The following TNIP3 variants were observed in gnomAD, a reference collection of about 807,000 sequenced individuals.
TNIP3 encodes TNFAIP3-interacting protein 3.
TNIP3 carries 34 observed loss-of-function variants against 54.1 expected under a neutral mutation model. The observed-to-expected ratio is 0.63, with a 90% CI of 0.48 to 0.84. The LOEUF (loss-of-function observed/expected upper bound fraction) is 0.84. Ranked by LOEUF, TNIP3 falls within the 40% of genes least tolerant of loss-of-function variation. TNIP3 has a pLI of 0.00. For synonymous variants in TNIP3, 134 were observed against 136.8 expected (o/e 0.98, Z 0.14); for missense variants, 366 against 387.6 (o/e 0.94, Z 0.47).
chr4:121,211,871 C>T (rs1482154375), intron 2 of TNIP3, among the ~76,000 whole-genome samples: 2 of 152,182 alleles, frequency 1.3e-5, no homozygotes, highest in Admixed American at 6.5e-5. Context: ...CTGTGGCCTG[C>T]CTGGGGCCTC....
At chr4:121,189,820 T>C (rs921551) in intron 2 of TNIP3, among the ~76,000 whole-genome samples, 7,840 of 152,288 alleles carry the variant, frequency 0.051, 254 homozygotes, top group Non-Finnish European at 0.074. Context: ...CTTATAAACC[T>C]GGGCTCTGTT....
intron 2 of TNIP3, among the ~76,000 whole-genome samples, chr4:121,198,355 T>C (rs1340549151): frequency 6.6e-6 from 1 of 152,226 alleles, no homozygotes; most frequent in Non-Finnish European, 1.5e-5. Context: ...ATTTGATATA[T>C]ATAGCATAAA....
At chr4:121,190,737 T>C (rs1725262922) in intron 2 of TNIP3, among the ~76,000 whole-genome samples, 1 of 152,172 alleles carries the variant, frequency 6.6e-6, no homozygotes, top group Non-Finnish European at 1.5e-5. Context: ...TAAATATGAA[T>C]AAGGGTAGAA....
chr4:121,208,386 A>G (rs6534256), intron 2 of TNIP3, among the ~76,000 whole-genome samples: 6,573 of 152,240 alleles, frequency 0.043, 471 homozygotes, highest in African/African-American at 0.15. Context: ...CACCCAGATC[A>G]ATAAACTGAT....
chr4:121,172,869 A>G (rs969741373), intron 3 of TNIP3, among the ~76,000 whole-genome samples: 9 of 152,232 alleles, frequency 5.9e-5, no homozygotes, highest in Admixed American at 5.2e-4. Flanking sequence ...TAGAGGTCCT[A>G]GAATGGAACT....
At chr4:121,135,390 C>A (rs1560631792) in intron 10 of TNIP3, among the ~76,000 whole-genome samples, 1 of 151,216 alleles carries the variant, frequency 6.6e-6, no homozygotes, top group Non-Finnish European at 1.5e-5. Context: ...ACTTCTTCTT[C>A]TTTTTTTTTA....
intron 2 of TNIP3, among the ~76,000 whole-genome samples, chr4:121,202,735 A>C (rs969245067): frequency 1.8e-4 from 27 of 152,184 alleles, no homozygotes; most frequent in Non-Finnish European, 5.9e-5. Context: ...TCAGCAAGAA[A>C]AAACAGATAA....
In TNIP3 at chr4:121,132,351, G is replaced by T. The variant is rs75063796; in HGVS notation, c.*280C>A. ...GCATCCAACAGCAATATGCTGAAGAGATTTTCAGGGAGTCGTGCATCATCC... is the reference window on the plus strand; with the variant it reads ...GCATCCAACAGCAATATGCTGAAGATATTTTCAGGGAGTCGTGCATCATCC... On this transcript the variant is annotated 3_prime_UTR_variant, in exon 11 of 11. Coordinates refer to ENST00000057513, the MANE Select transcript of TNIP3 (RefSeq NM_024873.6). 9,332 of 410,504 alleles carry T rather than the reference G, an allele frequency of 0.023. 178 individuals are homozygous for T. The highest frequency in any genetic ancestry group is 0.065 in the South Asian group (1,412 of 21,684). The allele number at this position is 410,504 out of a possible 1,614,324, so 25.4% of individuals were successfully genotyped here. A position where few individuals can be genotyped will look rare whatever the true frequency, so the allele number is the denominator to read the frequency against.
At chr4:121,196,832 C>T (rs567436131) in intron 2 of TNIP3, among the ~76,000 whole-genome samples, 44 of 151,556 alleles carry the variant, frequency 2.9e-4, no homozygotes, top group African/African-American at 6.5e-4. Context: ...TATTTTCTTT[C>T]GATTTATATA....
intron 2 of TNIP3, among the ~76,000 whole-genome samples, chr4:121,188,135 G>A (rs1053827088): frequency 9.9e-5 from 15 of 152,134 alleles, no homozygotes; most frequent in African/African-American, 3.6e-4. Flanking sequence ...GTAAATATCT[G>A]TTGGGTCTTG....
At chr4:121,161,051 A>G in intron 2 of TNIP3, 85 bp downstream of exon 2, 1 of 1,128,238 alleles carries the variant, frequency 8.9e-7, no homozygotes, top group East Asian at 2.6e-5. Context: ...TGATAACAAA[A>G]ATAAAAGGCA....
chr4:121,174,115 C>T (rs1384768061), intron 3 of TNIP3, among the ~76,000 whole-genome samples: 1 of 152,152 alleles, frequency 6.6e-6, no homozygotes, highest in Non-Finnish European at 1.5e-5. Context: ...TGCATCATTC[C>T]TGCCAAGGGG....
At chr4:121,160,166 G>A (rs1396756623) in intron 2 of TNIP3, among the ~76,000 whole-genome samples, 2 of 152,086 alleles carry the variant, frequency 1.3e-5, no homozygotes, top group East Asian at 3.8e-4. Flanking sequence ...GAAAGATGTA[G>A]TACACAGAAT....
At position 121,132,361 on chromosome 4, in the gene TNIP3, G is replaced by T. The variant is rs1560629033; in HGVS notation, c.*270C>A. ...GCAATATGCTGAAGAGATTTTCAGG[G>T]AGTCGTGCATCATCCATCTGCCAAG... On this transcript the variant is annotated 3_prime_UTR_variant, in exon 11 of 11. Coordinates refer to ENST00000057513, the MANE Select transcript of TNIP3 (RefSeq NM_024873.6). 1 of 424,032 alleles carries T rather than the reference G, an allele frequency of 2.4e-6. No homozygotes were observed. Among genetic ancestry groups the T allele is most frequent in the Admixed American group, 3.9e-5 (1 of 25,440 alleles). 26.3% of individuals were successfully genotyped at this position (424,032 alleles called of 1,614,324 possible). A position where few individuals can be genotyped will look rare whatever the true frequency, so the allele number is the denominator to read the frequency against.
intron 2 of TNIP3, among the ~76,000 whole-genome samples, chr4:121,191,617 A>G (rs924926599): frequency 6.6e-6 from 1 of 152,194 alleles, no homozygotes; most frequent in African/African-American, 2.4e-5. Context: ...TCAAATCGCT[A>G]CCTGAATTTT....
chr4:121,137,672 C>A, intron 10 of TNIP3: 1 of 264,320 alleles, frequency 3.8e-6, no homozygotes. Flanking sequence ...GTGTCCCTGA[C>A]TCCCTATTTA....
At chr4:121,144,622 A>T (rs958379342) in intron 7 of TNIP3, among the ~76,000 whole-genome samples, 2 of 152,148 alleles carry the variant, frequency 1.3e-5, no homozygotes, top group East Asian at 3.9e-4. Flanking sequence ...GGCTGGTCTC[A>T]AACTCCTGAT....
chr4:121,206,528 T>G (rs1726198321), intron 2 of TNIP3, among the ~76,000 whole-genome samples: 1 of 116,370 alleles, frequency 8.6e-6, no homozygotes, highest in African/African-American at 3.8e-5. Flanking sequence ...AGATGTTACA[T>G]TTGTATATAT....
intron 3 of TNIP3, among the ~76,000 whole-genome samples, chr4:121,181,870 G>A (rs1280675973): frequency 6.6e-6 from 1 of 152,154 alleles, no homozygotes; most frequent in Non-Finnish European, 1.5e-5. Context: ...TCTCCACAAT[G>A]AATCTGTCTC....
Sources: allele counts gnomAD v4.1 joint callset (sites outside exome capture counted in the v4.1 genomes callset), GRCh38; gene constraint gnomAD v4.1.1; transcripts MANE v1.5; gene names NCBI Gene and HGNC (gene_info 2026-07-23, HGNC 2026-07-21).